Variants in PCMTD1 observed in about 807,000 individuals in gnomAD.
The protein encoded by PCMTD1 is protein-L-isoaspartate (D-aspartate) O-methyltransferase domain containing 1.
A neutral mutation model predicts 37.6 loss-of-function variants in PCMTD1; 12 were observed. The ratio of observed to expected loss-of-function variants is 0.32; its 90% CI spans 0.20 to 0.52. PCMTD1 has a LOEUF of 0.52. PCMTD1 is among the 20% of genes least tolerant of loss of function. PCMTD1 has a pLI of 0.97. For missense variants in PCMTD1, 235 were observed against 421.3 expected, an observed-to-expected ratio of 0.56 and a Z score of 3.87; for synonymous variants, 117 against 135.8, an observed-to-expected ratio of 0.86 and a Z score of 0.96.
rs6473660 is a variant in PCMTD1 at position 51,866,211 on chromosome 8, A to T, written c.-95-4965T>A. On this transcript the variant is annotated intron_variant, in intron 1 of 5. Coordinates refer to ENST00000522514, the MANE Select transcript of PCMTD1 (RefSeq NM_052937.4). ...ATATTCATGGACTCACAGAAATAATAGTTAAAATGTCTGTACTACCAACAG... is the reference window on the plus strand; with the variant it reads ...ATATTCATGGACTCACAGAAATAATTGTTAAAATGTCTGTACTACCAACAG... Among the ~76,000 whole-genome samples, 23 of 151,774 alleles carry T rather than the reference A, an allele frequency of 1.5e-4. No individual in the cohort carries two copies. The East Asian group carries it at 3.9e-3, about 26-fold the overall frequency.
intron 3 of PCMTD1, among the ~76,000 whole-genome samples, chr8:51,837,295 CATGTTTA>C: frequency 6.6e-6 from 1 of 152,056 alleles, no homozygotes; most frequent in South Asian, 2.1e-4. Context: ...TTTCCTTTAA[CATGTTTA>C]AATTGATTTC....
At chr8:51,855,629 A>G (rs1044030478) in intron 2 of PCMTD1, among the ~76,000 whole-genome samples, 1 of 152,044 alleles carries the variant, frequency 6.6e-6, no homozygotes, top group Non-Finnish European at 1.5e-5. Flanking sequence ...AAAACAGAGT[A>G]TATCTTATAC....
intron 1 of PCMTD1, among the ~76,000 whole-genome samples, chr8:51,898,520 C>T (rs1302963165): frequency 6.6e-5 from 10 of 152,184 alleles, no homozygotes; most frequent in African/African-American, 2.4e-4. Flanking sequence ...CCTAAGGGGC[C>T]CGCGGGCATC....
chr8:51,867,508 T>C (rs1346161088), intron 1 of PCMTD1, among the ~76,000 whole-genome samples: 4 of 150,672 alleles, frequency 2.7e-5, no homozygotes, highest in Middle Eastern at 6.9e-3. Context: ...TGTGTGTGTG[T>C]GTGTGTGTGT....
At chr8:51,860,447 C>T (rs1424132288) in intron 2 of PCMTD1, 2 of 162,358 alleles carry the variant, frequency 1.2e-5, no homozygotes, top group African/African-American at 2.4e-5. Context: ...AACAGTGCCA[C>T]ATCTTATATA....
chr8:51,856,699 C>A (rs1426526652), intron 2 of PCMTD1, among the ~76,000 whole-genome samples: 1 of 152,158 alleles, frequency 6.6e-6, no homozygotes, highest in Non-Finnish European at 1.5e-5. Context: ...CTGAGACATG[C>A]TACAGCATGG....
chr8:51,878,212 C>T (rs1008389299), intron 1 of PCMTD1, among the ~76,000 whole-genome samples: 5 of 148,728 alleles, frequency 3.4e-5, no homozygotes, highest in African/African-American at 9.8e-5. Flanking sequence ...AACACAAATT[C>T]GTAAACTTTC....
chr8:51,890,564 TC>T lies in PCMTD1; in HGVS notation c.-96+8365del, dbSNP rs555650812. Among the ~76,000 whole-genome samples the T allele has an allele frequency of 2.9e-3, 436 of 152,292 alleles. 1 individual carries two copies. The highest frequency in any genetic ancestry group is 0.01 in the Middle Eastern group (3 of 294). ...TTGAGCTATGACATTTCTAAATAGT[TC>T]CTTCTACTCAAGGCCCAGTATTTTA... On this transcript the variant is annotated intron_variant, in intron 1 of 5. Transcript: ENST00000522514.
intron 3 of PCMTD1, 72 bp from the exon 4 acceptor site, chr8:51,833,761 T>C: frequency 3.3e-6 from 4 of 1,224,456 alleles, no homozygotes; most frequent in Non-Finnish European, 4.5e-6. Flanking sequence ...CATAATCCAG[T>C]CCTTTGAAAT....
At chr8:51,850,827 G>C (rs1330280242) in intron 2 of PCMTD1, among the ~76,000 whole-genome samples, 1 of 152,044 alleles carries the variant, frequency 6.6e-6, no homozygotes, top group Non-Finnish European at 1.5e-5. Flanking sequence ...GATAAAATAA[G>C]GTATCTTTAT....
At chr8:51,898,573 AGAGCCGAGGAC>A (rs929387408) in intron 1 of PCMTD1, among the ~76,000 whole-genome samples, 15 of 152,272 alleles carry the variant, frequency 9.9e-5, no homozygotes, top group East Asian at 5.8e-4. Flanking sequence ...AGCCCAGGTC[AGAGCCGAGGAC>A]GAGCCGAGGA....
chr8:51,833,842 G>A, intron 3 of PCMTD1, 153 bp from the exon 4 acceptor site: 1 of 501,386 alleles, frequency 2.0e-6, no homozygotes, highest in Non-Finnish European at 3.3e-6. Context: ...TATTTATTAA[G>A]TTTAGCACTC....
At chr8:51,882,331 C>T (rs1188741217) in intron 1 of PCMTD1, among the ~76,000 whole-genome samples, 1 of 152,200 alleles carries the variant, frequency 6.6e-6, no homozygotes, top group Non-Finnish European at 1.5e-5. Flanking sequence ...ATCTTAATTA[C>T]TTCCTCGGAA....
At position 51,820,244 on chromosome 8, in the gene PCMTD1, A is replaced by G. The variant is rs1291308614; in HGVS notation, c.*107T>C. On this transcript the variant is annotated 3_prime_UTR_variant, in exon 6 of 6. Coordinates refer to ENST00000522514, the MANE Select transcript of PCMTD1 (RefSeq NM_052937.4). ...AGAAACAAGTGATTTTTTTTCCACT[A>G]TAATTTGCTCTGATGAAAGAAATAA... The G allele has an allele frequency of 9.7e-7, 1 of 1,030,334 alleles. No individual in the cohort carries two copies. Among genetic ancestry groups the G allele is most frequent in the South Asian group, 2.6e-5 (1 of 38,316 alleles). 63.8% of individuals were successfully genotyped at this position (1,030,334 alleles called of 1,614,324 possible). A position where few individuals can be genotyped will look rare whatever the true frequency, so the allele number is the denominator to read the frequency against.
At chr8:51,876,718 A>G (rs1342943934) in intron 1 of PCMTD1, among the ~76,000 whole-genome samples, 2 of 152,236 alleles carry the variant, frequency 1.3e-5, no homozygotes, top group East Asian at 3.8e-4. Flanking sequence ...CAAACTGAAT[A>G]CATTTTGGGA....
chr8:51,888,319 G>C (rs1304092575), intron 1 of PCMTD1, among the ~76,000 whole-genome samples: 1 of 152,168 alleles, frequency 6.6e-6, no homozygotes, highest in Non-Finnish European at 1.5e-5. Flanking sequence ...GAGGATTCCA[G>C]GTTGGCCTCA....
chr8:51,879,462 C>T (rs2038761196), intron 1 of PCMTD1, among the ~76,000 whole-genome samples: 1 of 152,138 alleles, frequency 6.6e-6, no homozygotes, highest in Non-Finnish European at 1.5e-5. Context: ...TCCCATCAAA[C>T]TATCATTTAA....
At chr8:51,889,865 CGTGT>C (rs3075018) in intron 1 of PCMTD1, among the ~76,000 whole-genome samples, 78,545 of 148,942 alleles carry the variant, frequency 0.53, 24,617 homozygotes, top group Non-Finnish European at 0.7. Context: ...TAAGGATATA[CGTGT>C]GTGTGTGTGT....
At chr8:51,896,867 T>G (rs1213796702) in intron 1 of PCMTD1, among the ~76,000 whole-genome samples, 1 of 128,776 alleles carries the variant, frequency 7.8e-6, no homozygotes, top group Non-Finnish European at 1.6e-5. Context: ...CTCCTGAATA[T>G]AAACACGCAC....
Sources: gnomAD v4.1 joint callset for allele counts (sites outside exome capture counted in the v4.1 genomes callset) on GRCh38, gnomAD v4.1.1 for gene constraint, MANE v1.5 for transcripts, NCBI Gene and HGNC (gene_info 2026-07-23, HGNC 2026-07-21) for gene names.